The following PLCB2 variants were observed in gnomAD, a reference collection of about 807,000 sequenced individuals.
PLCB2 encodes phospholipase C beta 2, also known as 1-phosphatidylinositol 4,5-bisphosphate phosphodiesterase beta-2.
A neutral mutation model predicts 141.7 loss-of-function variants in PLCB2; 115 were observed. The ratio of observed to expected loss-of-function variants is 0.81; its 90% CI spans 0.70 to 0.95. The LOEUF (loss-of-function observed/expected upper bound fraction) is 0.95. Among genes scored for constraint, PLCB2 ranks in the 40% least tolerant of loss-of-function variants. PLCB2 has a pLI of 0.00. For missense variants in PLCB2, 1,403 were observed against 1,541.1 expected (o/e 0.91, Z 1.50); for synonymous variants, 603 against 595.6 (o/e 1.01, Z -0.18).
chr15:40,285,417 G>T, downstream of PLCB2: 1 of 589,042 alleles, frequency 1.7e-6, no homozygotes, highest in Non-Finnish European at 2.1e-6. Context: ...TACCAGCCCT[G>T]CCTGCTTTAC....
chr15:40,297,607 TGCGGGGAGCAAAA>T lies in PLCB2; in HGVS notation c.1239-15_1239-3del, dbSNP rs756280838. On this transcript the variant is annotated splice_polypyrimidine_tract_variant and splice_region_variant and intron_variant, in intron 12 of 31. Coordinates refer to ENST00000260402, the MANE Select transcript of PLCB2 (RefSeq NM_004573.3). The surrounding 1 kb of genome is among the most constrained non-coding windows in gnomAD (Gnocchi z 4.2). The stretch of plus-strand genomic sequence containing the variant: ...GCCATCTTAGCCTGCTGGCGGGGTC[TGCGGGGAGCAAAA>T]GCGGGGATGGGGTTCAGCCGCTCAG... 2 of 1,613,262 alleles carry T rather than the reference TGCGGGGAGCAAAA, an allele frequency of 1.2e-6. No homozygotes were observed. Among genetic ancestry groups the T allele is most frequent in the Non-Finnish European group, 1.7e-6 (2 of 1,179,322 alleles).
intron 20 of PLCB2, among the ~76,000 whole-genome samples, 196 bp downstream of exon 20, chr15:40,293,364 T>G (rs1293730176): frequency 1.3e-5 from 2 of 152,052 alleles, no homozygotes; most frequent in African/African-American, 4.8e-5. Context: ...CCTCTAATCT[T>G]CACACACACA....
At position 40,297,530 on chromosome 15, in the gene PLCB2, T is replaced by C. The variant is rs1417336233; in HGVS notation, c.1314A>G (p.Glu438=). Residue 438 remains glutamate (E), a synonymous_variant, in exon 13 of 32, where the codon GAA becomes GAG. Transcript: ENST00000260402. The surrounding 1 kb of genome is among the most constrained non-coding windows in gnomAD (Gnocchi z 4.2). ...AGCGAAGCCCACTCACTGGGAACTT[T>C]TCCAGGGGCTCTGTGAGCAGCATAT... The part of the protein sequence containing the change: ...FGDMLLTEPL[E]KFPLKPGVPL... 6.2e-7 allele frequency: 1 copy of C among 1,613,786 alleles called. No homozygotes were observed. The highest frequency in any genetic ancestry group is 8.5e-7 in the Non-Finnish European group (1 of 1,179,776).
rs202154132 is a variant in PLCB2, at chr15:40,303,331, C to T, written c.188G>A (p.Ser63Asn). ...CTTCCCAAAGCGAGTATCCCGGATG[C>T]TGGTGATATCCAGAAACTCCATCTC... ...SKEMEFLDIT[S>N]IRDTRFGKFA... Residue 63 changes from serine to asparagine, a missense_variant, in exon 3 of 32, where the codon AGC (serine) becomes AAC (asparagine). This residue lies in a region of PLCB2 where 975 missense variants were observed against 1,141.1 expected (regional missense o/e 0.85). Coordinates refer to ENST00000260402, the MANE Select transcript of PLCB2 (RefSeq NM_004573.3). The T allele has an allele frequency of 1.1e-4, 180 of 1,613,774 alleles. No homozygotes were observed. The highest frequency in any genetic ancestry group is 8.5e-4 in the Admixed American group (51 of 60,008).
At position 40,302,621 on chromosome 15, in the gene PLCB2, G is replaced by A. The variant is rs1252634753; in HGVS notation, c.232-12C>T. 1.2e-6 allele frequency: 2 copies of A among 1,613,778 alleles called. No homozygotes were observed. The highest frequency in any genetic ancestry group is 1.1e-5 in the South Asian group (1 of 91,028). ...CGGAGCTTCTGGCTCTGCAGCACGT[G>A]GTGGTATGGTTAGGATGGAGGTGTG... On this transcript the variant is annotated splice_polypyrimidine_tract_variant and intron_variant, in intron 3 of 31. Coordinates refer to ENST00000260402, the MANE Select transcript of PLCB2 (RefSeq NM_004573.3).
chr15:40,290,882 C>T, intron 27 of PLCB2, 45 bp from the exon 28 acceptor site: 2 of 1,516,328 alleles, frequency 1.3e-6, no homozygotes, highest in South Asian at 1.2e-5. Context: ...CTTTGTTGTT[C>T]AGAGGGAGTA....
At chr15:40,286,836 T>C (rs891013515), downstream of PLCB2, among the ~76,000 whole-genome samples, 1 of 152,234 alleles carries the variant, frequency 6.6e-6, no homozygotes, top group African/African-American at 2.4e-5. Context: ...CAGTCGGCTA[T>C]GCAGAGGCCT....
At chr15:40,284,286 C>T (rs4257181), downstream of PLCB2, 15,257 of 336,544 alleles carry the variant, frequency 0.045, 2,364 homozygotes, top group East Asian at 0.6. Flanking sequence ...TGAGACTTTT[C>T]ATGAGCCGCA....
Position 40,302,149 on chromosome 15 carries a change from T to C in PLCB2, c.493A>G (p.Ile165Val), listed in dbSNP as rs764212031. Reference sequence around the variant, plus strand: ...TGGGGGGCTCACTTCTTCACCGGAATCTTCCCTTCAGAGTTGAGCTGCATC... The same window carrying C: ...TGGGGGGCTCACTTCTTCACCGGAACCTTCCCTTCAGAGTTGAGCTGCATC... ...LKMQLNSEGK[I>V]PVKNFFQMFP... Residue 165 changes from isoleucine (I) to valine (V), a missense_variant, in exon 6 of 32, where the codon ATT becomes GTT. By Grantham distance (29) the Ile-to-Val change is conservative. This residue lies in a region of PLCB2 where 975 missense variants were observed against 1,141.1 expected (regional missense o/e 0.85). Transcript: ENST00000260402. The C allele has an allele frequency of 1.4e-5, 22 of 1,611,288 alleles. No homozygotes were observed. Among genetic ancestry groups the C allele is most frequent in the Non-Finnish European group, 1.6e-5 (19 of 1,178,154 alleles).
rs2040119609 is a variant in PLCB2, at chr15:40,294,851, C to G, written c.1906+85G>C. On this transcript the variant is annotated intron_variant, in intron 18 of 31. Transcript: ENST00000260402. Reference sequence around the variant, plus strand: ...CTACACTAACAGCAGGACTCCCCAGCCTGTTCCAAAGACCCCTCAAGGATG... The same window carrying G: ...CTACACTAACAGCAGGACTCCCCAGGCTGTTCCAAAGACCCCTCAAGGATG... 2.6e-6 allele frequency: 4 copies of G among 1,558,708 alleles called. No homozygotes were observed. In the South Asian group the frequency reaches 3.4e-5, roughly 13 times the overall value.
intron 10 of PLCB2, 50 bp from the exon 11 acceptor site, chr15:40,298,430 A>T (rs1489200492): frequency 6.4e-7 from 1 of 1,573,112 alleles, no homozygotes; most frequent in Non-Finnish European, 8.7e-7. Flanking sequence ...AAGGCAGCCC[A>T]GCTCTCCCCC....
At position 40,306,743 on chromosome 15, in the gene PLCB2, C is replaced by T. The variant is rs117751846; in HGVS notation, c.84+846G>A. ...CTAAGGGCTGTCTTCCCTCCCCCAC[C>T]AAGCCTTCATTTCCCTTCCTGGGAC... On this transcript the variant is annotated intron_variant, in intron 1 of 31. Transcript: ENST00000260402. Among the ~76,000 whole-genome samples the T allele has an allele frequency of 7.4e-4, 112 of 152,322 alleles. 1 individual carries two copies. In the East Asian group the frequency reaches 0.015, roughly 20 times the overall value.
At chr15:40,301,934 G>C in intron 7 of PLCB2, 23 bp downstream of exon 7, 1 of 1,606,374 alleles carries the variant, frequency 6.2e-7, no homozygotes, top group Middle Eastern at 1.7e-4. Context: ...CTGGGGGATG[G>C]GCAGGGGTGC....
downstream of PLCB2, among the ~76,000 whole-genome samples, chr15:40,284,886 C>A (rs1206010291): frequency 7.1e-6 from 1 of 140,220 alleles, no homozygotes; most frequent in African/African-American, 2.6e-5. Flanking sequence ...CAGACGGGTT[C>A]TGGAGGCAAA....
In PLCB2 at chr15:40,293,617, TG is replaced by T. The variant is rs1449736859; in HGVS notation, c.2168del (p.Ser723TyrfsTer22). The T allele has an allele frequency of 6.2e-7, 1 of 1,613,970 alleles. No homozygotes were observed. The highest frequency in any genetic ancestry group is 8.5e-7 in the Non-Finnish European group (1 of 1,180,002). On this transcript the variant is annotated frameshift_variant, in exon 20 of 32. Coordinates refer to ENST00000260402, the MANE Select transcript of PLCB2 (RefSeq NM_004573.3). LOFTEE classifies it high-confidence loss of function. The part of the protein sequence containing the change: ...DPKRRYRTKL[S>X]PSTNSINPVW... The stretch of plus-strand genomic sequence containing the variant: ...CAGGATTGATGGAGTTAGTACTGGG[TG>T]ACAGCTTAGTTCGATAGCGCCTCTT...
rs1595679204 is a variant in PLCB2, at chr15:40,302,515, T to C, written c.326A>G (p.Asp109Gly). ...LTVVSGPDMVDLTFHNFVSYK... is the reference protein window; with the variant it reads ...LTVVSGPDMVGLTFHNFVSYK... ...GGAGACGAAGTTGTGGAAGGTGAGGTCCACCATGTCCGGGCCGGACACCAC... is the reference window on the plus strand; with the variant it reads ...GGAGACGAAGTTGTGGAAGGTGAGGCCCACCATGTCCGGGCCGGACACCAC... The change falls in exon 4 of 32, where the codon GAC becomes GGC. Residue 109 changes from aspartate to glycine, a missense_variant. Transcript: ENST00000260402. 3 of 1,614,110 alleles carry C rather than the reference T, an allele frequency of 1.9e-6. No individual in the cohort carries two copies. The highest frequency in any genetic ancestry group is 1.6e-4 in the Middle Eastern group (1 of 6,062).
chr15:40,292,400 G>A lies in PLCB2; in HGVS notation c.2370C>T (p.Leu790=). The change falls in exon 22 of 32, where the codon CTC becomes CTT. Residue 790 remains leucine, a synonymous_variant. Coordinates refer to ENST00000260402, the MANE Select transcript of PLCB2 (RefSeq NM_004573.3). ...LCLHSESNMP[L]TMPALFIFLE... ...GGAAGATGAAGAGCGCAGGCATGGT[G>A]AGGGGCATGTTGCTCTCACTGTGCA... 1.2e-6 allele frequency: 2 copies of A among 1,613,920 alleles called. No homozygotes were observed. Among genetic ancestry groups the A allele is most frequent in the South Asian group, 1.1e-5 (1 of 91,072 alleles).
Position 40,292,142 on chromosome 15 carries a change from G to A in PLCB2, c.2448C>T (p.Leu816=), listed in dbSNP as rs370360211. 166 of 1,613,962 alleles carry A rather than the reference G, an allele frequency of 1.0e-4. No homozygotes were observed. The highest frequency in any genetic ancestry group is 1.3e-4 in the Non-Finnish European group (157 of 1,179,954). ...PGAWADLTVA[L]ANPIKFFSAH... is the part of the protein sequence containing the mutation. ...CACTGAAGAACTTAATGGGGTTGGC[G>A]AGGGCCACAGTGAGATCTGGGTGGG... The change falls in exon 23 of 32, where the codon CTC becomes CTT. Residue 816 remains leucine, a synonymous_variant. Transcript: ENST00000260402.
rs774851076 is a variant in PLCB2, at chr15:40,296,296, G to T, written c.1696C>A (p.Gln566Lys). 1 of 1,611,240 alleles carries T rather than the reference G, an allele frequency of 6.2e-7. No individual in the cohort carries two copies. ...TKFVSFEFSA[Q>K]KNRSYVISSF... ...CCGTAAGTTACTCATGCTAACTTAC[G>T]GGCAGAGAACTCAAAGGAGACGAAC... Residue 566 changes from glutamine to lysine, a missense_variant and splice_region_variant, in exon 16 of 32, where the codon CAA becomes AAA. By Grantham distance (53) the Gln-to-Lys change is moderately conservative (BLOSUM62 1). Transcript: ENST00000260402.
Sources: allele counts gnomAD v4.1 joint callset (sites outside exome capture counted in the v4.1 genomes callset), GRCh38; gene constraint gnomAD v4.1.1; regional missense constraint gnomAD v4.1.1; non-coding constraint Gnocchi (gnomAD v3.1); transcripts MANE v1.5; gene names NCBI Gene and HGNC (gene_info 2026-07-23, HGNC 2026-07-21).